Variants in ZNF462 observed in about 807,000 individuals in gnomAD.
ZNF462 encodes zinc finger PBX1-interacting protein.
ZNF462 carries 10 observed loss-of-function variants against 201.9 expected under a neutral mutation model. The observed-to-expected ratio is 0.05, with a 90% CI of 0.03 to 0.08. The LOEUF (loss-of-function observed/expected upper bound fraction) is 0.08. Ranked by LOEUF, ZNF462 falls within the 10% of genes least tolerant of loss-of-function variation. The probability of loss-of-function intolerance (pLI) is 1.00; values close to 1 mark genes in which losing one functional copy is unlikely to be tolerated. For synonymous variants in ZNF462, 1,227 were observed against 1,193.3 expected, an observed-to-expected ratio of 1.03 and a Z score of -0.58; for missense variants, 2,523 against 3,168.3, an observed-to-expected ratio of 0.80 and a Z score of 4.89.
intron 1 of ZNF462, among the ~76,000 whole-genome samples, chr9:106,892,723 C>A (rs914962008): frequency 6.6e-6 from 1 of 151,722 alleles, no homozygotes; most frequent in Non-Finnish European, 1.5e-5. Context: ...CACACACACA[C>A]ACATGTTATG....
intron 10 of ZNF462, among the ~76,000 whole-genome samples, chr9:107,000,900 G>C (rs921193069): frequency 1.3e-5 from 2 of 152,114 alleles, no homozygotes; most frequent in African/African-American, 4.8e-5. Flanking sequence ...TTCCAGTGTG[G>C]ACCCCAGAGG....
chr9:106,935,528 C>T lies in ZNF462; in HGVS notation c.6142C>T (p.His2048Tyr). The change falls in exon 6 of 13, where the codon CAC (histidine) becomes TAC (tyrosine). Residue 2048 changes from histidine to tyrosine, a missense_variant. This residue lies in a region of ZNF462 where 107 missense variants were observed against 187.7 expected (regional missense o/e 0.57). Transcript: ENST00000277225. This position sits in a 1 kb window ranked among gnomAD's most constrained non-coding sequence, Gnocchi z 4.1. ...HNLDRHMQTH[H>Y]GHHKPFRCKL... Reference sequence around the variant, plus strand: ...TTTGGATCGCCATATGCAAACCCACCACGGACACCATAAACCATTCCGATG... The same window carrying T: ...TTTGGATCGCCATATGCAAACCCACTACGGACACCATAAACCATTCCGATG... The T allele has an allele frequency of 6.2e-7, 1 of 1,614,002 alleles. No individual in the cohort carries two copies.
At chr9:106,891,083 G>A (rs2131050004) in intron 1 of ZNF462, among the ~76,000 whole-genome samples, 1 of 152,302 alleles carries the variant, frequency 6.6e-6, no homozygotes, top group South Asian at 2.1e-4. Context: ...AAAAGGAGAT[G>A]ATTGATTTCT....
chr9:106,994,120 G>A (rs1247312761), intron 10 of ZNF462, among the ~76,000 whole-genome samples: 1 of 152,048 alleles, frequency 6.6e-6, no homozygotes, highest in Non-Finnish European at 1.5e-5. Context: ...GTCATGTTCA[G>A]TATATTAAAT....
intron 1 of ZNF462, among the ~76,000 whole-genome samples, chr9:106,887,217 T>G (rs1828359829): frequency 6.6e-6 from 1 of 152,130 alleles, no homozygotes; most frequent in Admixed American, 6.5e-5. Flanking sequence ...AGAGCTGTCT[T>G]TCTGCATTGT....
At chr9:106,936,741 C>G (rs1295337288) in intron 6 of ZNF462, among the ~76,000 whole-genome samples, 1 of 152,190 alleles carries the variant, frequency 6.6e-6, no homozygotes, top group Non-Finnish European at 1.5e-5. Context: ...GCCCATAGGC[C>G]TTAGCCTTGT....
chr9:106,984,215 C>T lies in ZNF462; in HGVS notation c.6862C>T (p.Arg2288Trp), dbSNP rs1827656758. The T allele has an allele frequency of 1.2e-6, 2 of 1,613,746 alleles. No homozygotes were observed. Among genetic ancestry groups the T allele is most frequent in the Non-Finnish European group, 1.7e-6 (2 of 1,179,906 alleles). The change falls in exon 10 of 13, where the codon CGG becomes TGG. Residue 2288 changes from arginine (R) to tryptophan (W), a missense_variant. By Grantham distance (101) the Arg-to-Trp change is moderately radical. Coordinates refer to ENST00000277225, the MANE Select transcript of ZNF462 (RefSeq NM_021224.6). The surrounding 1 kb of genome is among the most constrained non-coding windows in gnomAD (Gnocchi z 6.4). ...EERVVPIEVCRSKLSKYLQGV... is the reference protein window; with the variant it reads ...EERVVPIEVCWSKLSKYLQGV... ...GCGTGTTGTCCCCATTGAAGTTTGC[C>T]GGTCCAAACTGTCCAAATACTTGCA...
chr9:106,868,055 A>T (rs983880709), intron 1 of ZNF462, among the ~76,000 whole-genome samples: 1 of 138,924 alleles, frequency 7.2e-6, no homozygotes, highest in African/African-American at 2.7e-5. Context: ...CATGACTGAA[A>T]GCTAAAATCC....
chr9:106,899,226 ATG>A (rs58528960), intron 1 of ZNF462, among the ~76,000 whole-genome samples: 2 of 60,520 alleles, frequency 3.3e-5, no homozygotes, highest in African/African-American at 7.2e-5. Context: ...ATGTGTGTGT[ATG>A]TGTGTGTGTG....
rs1830507185 is a variant in ZNF462, at chr9:106,933,552, A to T, written c.6116+1003A>T. On this transcript the variant is annotated intron_variant, in intron 5 of 12. Coordinates refer to ENST00000277225, the MANE Select transcript of ZNF462 (RefSeq NM_021224.6). This position sits in a 1 kb window ranked among gnomAD's most constrained non-coding sequence, Gnocchi z 4.3. ...TGAATAAATGAATATATCCTGTCCT[A>T]GGTACTGTACTTTTGGGAAATATAA... Among the ~76,000 whole-genome samples the T allele has an allele frequency of 6.6e-6, 1 of 152,148 alleles. No homozygotes were observed. The highest frequency in any genetic ancestry group is 1.5e-5 in the Non-Finnish European group (1 of 68,016).
chr9:106,904,202 G>T (rs966135723), intron 1 of ZNF462, among the ~76,000 whole-genome samples: 1 of 152,034 alleles, frequency 6.6e-6, no homozygotes, highest in Non-Finnish European at 1.5e-5. Flanking sequence ...TAGTTTTGGG[G>T]GATACAAAAT....
chr9:106,928,332 G>A lies in ZNF462; in HGVS notation c.4420G>A (p.Val1474Ile). 2 of 1,614,148 alleles carry A rather than the reference G, an allele frequency of 1.2e-6. No individual in the cohort carries two copies. Among genetic ancestry groups the A allele is most frequent in the South Asian group, 1.1e-5 (1 of 91,076 alleles). The change falls in exon 3 of 13, where the codon GTA becomes ATA. Residue 1474 changes from valine to isoleucine, a missense_variant. By Grantham distance (29) the Val-to-Ile change is conservative. This residue lies in a region of ZNF462 where 200 missense variants were observed against 281.3 expected (regional missense o/e 0.71). Coordinates refer to ENST00000277225, the MANE Select transcript of ZNF462 (RefSeq NM_021224.6). The surrounding 1 kb of genome is among the most constrained non-coding windows in gnomAD (Gnocchi z 9.3). ...ATCCTCCACCCCATACCAGTGCACG[G>A]TATGCCAATCTGAGTATAACAACTT... ...AISSTPYQCTVCQSEYNNLHG... is the reference protein window; with the variant it reads ...AISSTPYQCTICQSEYNNLHG...
In ZNF462 at chr9:106,926,768, G is replaced by A. The variant is rs1459576629; in HGVS notation, c.2856G>A (p.Lys952=). Residue 952 remains lysine, a synonymous_variant, in exon 3 of 13, where the codon AAG becomes AAA. Transcript: ENST00000277225. The surrounding 1 kb of genome is among the most constrained non-coding windows in gnomAD (Gnocchi z 7.9). ...ACCAAAGAATGCATCCCACGGTGAA[G>A]ATCAACAACGCGATGATATTTTCAA... ...PHYQRMHPTV[K]INNAMIFSSY... 1.2e-6 allele frequency: 2 copies of A among 1,614,038 alleles called. No homozygotes were observed. Among genetic ancestry groups the A allele is most frequent in the East Asian group, 2.2e-5 (1 of 44,892 alleles).
At chr9:106,879,289 A>C (rs1367074482) in intron 1 of ZNF462, among the ~76,000 whole-genome samples, 6 of 150,392 alleles carry the variant, frequency 4.0e-5, no homozygotes, top group Middle Eastern at 6.4e-3. Flanking sequence ...GAAGGGAAGC[A>C]GTCATTTCAT....
Position 106,977,899 on chromosome 9 carries a change from T to A in ZNF462, c.6832+3626T>A, listed in dbSNP as rs1827139050. Among the ~76,000 whole-genome samples, 2 of 151,742 alleles carry A rather than the reference T, an allele frequency of 1.3e-5. No homozygotes were observed. The highest frequency in any genetic ancestry group is 3.9e-4 in the East Asian group (2 of 5,182). On this transcript the variant is annotated intron_variant, in intron 9 of 12. Transcript: ENST00000277225. This position sits in a 1 kb window ranked among gnomAD's most constrained non-coding sequence, Gnocchi z 4.6. Reference sequence around the variant, plus strand: ...CTCACAGTTCTGGAAGCTAGAACTCTGAAATCAAGGTGTTGACAGAGCTGT... The same window carrying A: ...CTCACAGTTCTGGAAGCTAGAACTCAGAAATCAAGGTGTTGACAGAGCTGT...
chr9:106,891,387 A>AT (rs1056008138), intron 1 of ZNF462, among the ~76,000 whole-genome samples: 11 of 151,266 alleles, frequency 7.3e-5, no homozygotes, highest in South Asian at 2.1e-4. Flanking sequence ...AAAACAAGTG[A>AT]TTTTTTTTTC....
At position 106,932,258 on chromosome 9, in the gene ZNF462, C is replaced by T; in HGVS notation, c.6013-188C>T. 2 of 1,550,594 alleles carry T rather than the reference C, an allele frequency of 1.3e-6. No individual in the cohort carries two copies. The highest frequency in any genetic ancestry group is 1.2e-5 in the South Asian group (1 of 84,056). On this transcript the variant is annotated intron_variant, in intron 4 of 12. Transcript: ENST00000277225. The surrounding 1 kb of genome is among the most constrained non-coding windows in gnomAD (Gnocchi z 6.8). ...GGGGCATGTGTGTGTGTGTGGTTCTCTTAGCAGGAGGCGGATGACCCTGCC... is the reference window on the plus strand; with the variant it reads ...GGGGCATGTGTGTGTGTGTGGTTCTTTTAGCAGGAGGCGGATGACCCTGCC...
chr9:106,951,318 T>TA (rs927125310), intron 7 of ZNF462, among the ~76,000 whole-genome samples: 41 of 152,282 alleles, frequency 2.7e-4, no homozygotes, highest in African/African-American at 9.9e-4. Flanking sequence ...GAACGTTGAG[T>TA]AAATAGATAT....
intron 4 of ZNF462, among the ~76,000 whole-genome samples, chr9:106,931,620 G>T (rs1830430613): frequency 6.6e-6 from 1 of 152,160 alleles, no homozygotes; most frequent in African/African-American, 2.4e-5. Context: ...TGTGTCCCAG[G>T]CTCGTTTCCT....
Sources: gnomAD v4.1 joint callset for allele counts (sites outside exome capture counted in the v4.1 genomes callset) on GRCh38, gnomAD v4.1.1 for gene constraint, gnomAD v4.1.1 regional missense constraint, Gnocchi (gnomAD v3.1) non-coding constraint, MANE v1.5 for transcripts, NCBI Gene and HGNC (gene_info 2026-07-23, HGNC 2026-07-21) for gene names.